The following PEX5L variants were observed in gnomAD, a reference collection of about 807,000 sequenced individuals.
PEX5L encodes PEX5-related protein.
In PEX5L, 30 loss-of-function variants were observed where a neutral mutation model predicts 84.0. The ratio of observed to expected loss-of-function variants is 0.36; its 90% CI spans 0.27 to 0.48. The LOEUF (loss-of-function observed/expected upper bound fraction) is 0.48. Among genes scored for constraint, PEX5L ranks in the 20% least tolerant of loss-of-function variants. The probability of loss-of-function intolerance (pLI) is 0.99; values close to 1 mark genes in which losing one functional copy is unlikely to be tolerated. For missense variants in PEX5L, 533 were observed against 754.6 expected (o/e 0.71, Z 3.44); for synonymous variants, 270 against 283.1 (o/e 0.95, Z 0.46).
intron 2 of PEX5L, among the ~76,000 whole-genome samples, chr3:179,954,180 CA>C (rs1779868335): frequency 7.9e-6 from 1 of 126,418 alleles, no homozygotes; most frequent in Non-Finnish European, 1.6e-5. Context: ...TCCACAAGAA[CA>C]AGCCCAGAAA....
At chr3:179,862,758 C>G (rs1044351421) in intron 7 of PEX5L, among the ~76,000 whole-genome samples, 6 of 152,116 alleles carry the variant, frequency 3.9e-5, no homozygotes, top group Non-Finnish European at 8.8e-5. Flanking sequence ...ATTTCCCAAA[C>G]ACTCCCTAAA....
At chr3:179,963,101 G>A (rs997306220) in intron 2 of PEX5L, among the ~76,000 whole-genome samples, 4 of 152,194 alleles carry the variant, frequency 2.6e-5, no homozygotes, top group Non-Finnish European at 5.9e-5. Context: ...GACTCATGAT[G>A]TCTCTCTTGG....
At chr3:179,855,777 T>C (rs1743695165) in intron 8 of PEX5L, among the ~76,000 whole-genome samples, 1 of 152,166 alleles carries the variant, frequency 6.6e-6, no homozygotes, top group Admixed American at 6.5e-5. Flanking sequence ...CCTTCTGCCA[T>C]GTGAGGACCC....
chr3:179,879,903 T>C (rs1404810731), intron 5 of PEX5L, 26 bp downstream of exon 5: 6 of 1,504,574 alleles, frequency 4.0e-6, no homozygotes, highest in Admixed American at 4.4e-5. Context: ...AGGTTGAGCA[T>C]CCATAGCCGC....
At chr3:179,816,776 T>C (rs1726286158) in intron 9 of PEX5L, among the ~76,000 whole-genome samples, 1 of 152,152 alleles carries the variant, frequency 6.6e-6, no homozygotes, top group Non-Finnish European at 1.5e-5. Flanking sequence ...TGATTAATTA[T>C]TATTTATTTT....
At position 180,024,347 on chromosome 3, in the gene PEX5L, A is replaced by AATATATATATATAT. The variant is rs148495757; in HGVS notation, c.21+12218_21+12231dup. 3.5e-3 allele frequency among the ~76,000 whole-genome samples: 373 copies of AATATATATATATAT among 107,594 alleles called. 4 individuals carry two copies. The highest frequency in any genetic ancestry group is 0.011 in the African/African-American group (280 of 26,196). 70.6% of individuals were successfully genotyped at this position (107,594 alleles called of 152,430 possible). On this transcript the variant is annotated intron_variant, in intron 1 of 14. Transcript: ENST00000467460. Reference sequence around the variant, plus strand: ...ACACTGTGAAACCCCGTCCCTACTAAATATATATATATATATATATATATA... The same window carrying AATATATATATATAT: ...ACACTGTGAAACCCCGTCCCTACTAAATATATATATATATATATATATATATATATATATATATA...
intron 2 of PEX5L, 43 bp downstream of exon 2, chr3:179,971,551 T>C (rs918196279): frequency 4.5e-6 from 7 of 1,565,556 alleles, no homozygotes; most frequent in Non-Finnish European, 6.0e-6. Context: ...GTCATCAAAA[T>C]ATACAGTAGA....
chr3:180,001,715 A>G (rs1010435718), intron 1 of PEX5L, among the ~76,000 whole-genome samples: 5 of 152,170 alleles, frequency 3.3e-5, no homozygotes, highest in African/African-American at 1.2e-4. Flanking sequence ...CACATATGCA[A>G]CTTGACATAA....
chr3:179,955,478 C>CTTTTTTTT, intron 2 of PEX5L, among the ~76,000 whole-genome samples: 1 of 53,750 alleles, frequency 1.9e-5, no homozygotes, highest in Non-Finnish European at 3.3e-5. Flanking sequence ...CTGCTATGCT[C>CTTTTTTTT]TTTTTTTTTT....
chr3:180,023,864 AC>A (rs1027373673), intron 1 of PEX5L, among the ~76,000 whole-genome samples: 3 of 147,238 alleles, frequency 2.0e-5, no homozygotes, highest in Non-Finnish European at 4.4e-5. Flanking sequence ...GGTAGAGGAG[AC>A]CCCCTTCAGA....
chr3:179,895,638 A>C (rs1199823784), intron 3 of PEX5L: 1 of 152,172 alleles, frequency 6.6e-6, no homozygotes, highest in Admixed American at 6.5e-5. Flanking sequence ...TGTTTGGTGT[A>C]ATATAGACAG....
chr3:179,880,226 G>A (rs1753761654), intron 4 of PEX5L, 103 bp from the exon 5 acceptor site: 1 of 655,910 alleles, frequency 1.5e-6, no homozygotes, highest in Non-Finnish European at 2.5e-6. Context: ...TGTAGGATAG[G>A]TTAGAATAAA....
chr3:180,011,083 C>G (rs1289495258), intron 1 of PEX5L, among the ~76,000 whole-genome samples: 1 of 152,158 alleles, frequency 6.6e-6, no homozygotes, highest in Non-Finnish European at 1.5e-5. Flanking sequence ...ACCATCCACA[C>G]CACTTTCCCT....
At chr3:179,986,397 ATT>A (rs11344304) in intron 1 of PEX5L, among the ~76,000 whole-genome samples, 22,124 of 110,398 alleles carry the variant, frequency 0.2, 1,466 homozygotes, top group African/African-American at 0.3. Context: ...CCATTTAGTA[ATT>A]TTTTTTTTTT....
chr3:179,968,933 A>G (rs1346804022), intron 2 of PEX5L, among the ~76,000 whole-genome samples: 3 of 152,140 alleles, frequency 2.0e-5, no homozygotes, highest in Non-Finnish European at 4.4e-5. Context: ...GAAATAACAC[A>G]GAAATCATCT....
chr3:180,002,754 A>T (rs1788540438), intron 1 of PEX5L, among the ~76,000 whole-genome samples: 1 of 152,132 alleles, frequency 6.6e-6, no homozygotes, highest in South Asian at 2.1e-4. Context: ...CAGCTGCCCT[A>T]GAATTGTGTG....
At chr3:179,908,565 C>A (rs1764051819) in intron 2 of PEX5L, among the ~76,000 whole-genome samples, 1 of 151,844 alleles carries the variant, frequency 6.6e-6, no homozygotes, top group Non-Finnish European at 1.5e-5. Context: ...GTGTGCTGCA[C>A]CCCTTAACTC....
intron 2 of PEX5L, among the ~76,000 whole-genome samples, chr3:179,966,557 AC>A (rs1238831370): frequency 6.6e-6 from 1 of 152,112 alleles, no homozygotes; most frequent in Non-Finnish European, 1.5e-5. Context: ...TGTTGGTAGG[AC>A]TATCTATTAG....
At chr3:179,912,972 T>G (rs1765695284) in intron 2 of PEX5L, among the ~76,000 whole-genome samples, 1 of 152,088 alleles carries the variant, frequency 6.6e-6, no homozygotes, top group Non-Finnish European at 1.5e-5. Flanking sequence ...ATCCTCATCC[T>G]TCAAAGAAAA....
Sources: gnomAD v4.1 joint callset for allele counts (sites outside exome capture counted in the v4.1 genomes callset) on GRCh38, gnomAD v4.1.1 for gene constraint, MANE v1.5 for transcripts, NCBI Gene and HGNC (gene_info 2026-07-23, HGNC 2026-07-21) for gene names.